Variants in TRAPPC12 observed in about 807,000 individuals in gnomAD.
The protein encoded by TRAPPC12 is trafficking protein particle complex subunit 12, also known as TPR repeat protein 15.
In TRAPPC12, 61 loss-of-function variants were observed where a neutral mutation model predicts 69.2. The observed-to-expected ratio is 0.88, with a 90% confidence interval of 0.72 to 1.09. The LOEUF (loss-of-function observed/expected upper bound fraction) is 1.09, where lower values mean the gene tolerates loss of function less well. Among genes scored for constraint, TRAPPC12 ranks in the 50% least tolerant of loss-of-function variants. The probability of loss-of-function intolerance (pLI) is 0.00; values close to 1 mark genes in which losing one functional copy is unlikely to be tolerated. For missense variants in TRAPPC12, 1,101 were observed against 1,016.4 expected, an observed-to-expected ratio of 1.08 and a Z score of -1.13; for synonymous variants, 469 against 438.9, an observed-to-expected ratio of 1.07 and a Z score of -0.86.
intron 7 of TRAPPC12, chr2:3,458,478 GGGGAACTGCTGGCTGGTGTGA>G: frequency 1.0e-6 from 1 of 985,442 alleles, no homozygotes; most frequent in Non-Finnish European, 1.2e-6. Flanking sequence ...TGGGGTTTCT[GGGGAACTGCTGGCTGGTGTGA>G]GCTGAACGTG....
At position 3,457,604 on chromosome 2, in the gene TRAPPC12, A is replaced by T. The variant is rs889894388; in HGVS notation, c.1531-17A>T. ...TGGTTCCCATGATTTTGTCCTTCTC[A>T]TTTGGAATGATTGCAGATCCTGGCC... On this transcript the variant is annotated splice_polypyrimidine_tract_variant and intron_variant, in intron 6 of 11. Coordinates refer to ENST00000324266, the MANE Select transcript of TRAPPC12 (RefSeq NM_016030.6). The T allele has an allele frequency of 6.2e-7, 1 of 1,611,858 alleles. No homozygotes were observed. The highest frequency in any genetic ancestry group is 8.5e-7 in the Non-Finnish European group (1 of 1,179,184).
chr2:3,397,325 C>T (rs1184664697), intron 2 of TRAPPC12, among the ~76,000 whole-genome samples: 5 of 152,250 alleles, frequency 3.3e-5, no homozygotes, highest in African/African-American at 1.2e-4. Flanking sequence ...AATTCCCCTT[C>T]TGTTCAGTGA....
At chr2:3,406,413 C>T (rs1661734504) in intron 3 of TRAPPC12, among the ~76,000 whole-genome samples, 1 of 152,178 alleles carries the variant, frequency 6.6e-6, no homozygotes, top group Admixed American at 6.5e-5. Flanking sequence ...AAAAGGTAAA[C>T]AAGCATCCCT....
At chr2:3,428,291 A>G (rs974000126) in intron 5 of TRAPPC12, among the ~76,000 whole-genome samples, 4 of 152,276 alleles carry the variant, frequency 2.6e-5, no homozygotes, top group African/African-American at 9.6e-5. Context: ...CATACATTTT[A>G]GCAAAAGCGT....
chr2:3,460,942 A>T (rs1222178168), intron 8 of TRAPPC12: 3 of 152,992 alleles, frequency 2.0e-5, no homozygotes, highest in African/African-American at 4.8e-5. Flanking sequence ...ACTGGGCATC[A>T]GGGTGCCCTG....
intron 3 of TRAPPC12, among the ~76,000 whole-genome samples, chr2:3,403,393 C>T (rs549545638): frequency 1.9e-4 from 29 of 152,180 alleles, no homozygotes; most frequent in African/African-American, 3.1e-4. Context: ...CCACCACACC[C>T]GGCTAATTTT....
intron 1 of TRAPPC12, among the ~76,000 whole-genome samples, chr2:3,383,995 A>C (rs979980046): frequency 7.0e-6 from 1 of 143,670 alleles, no homozygotes; most frequent in Non-Finnish European, 1.5e-5. Flanking sequence ...TCCTGGGTTC[A>C]AGTGATTTTC....
rs117747228 is a variant in TRAPPC12 at position 3,387,768 on chromosome 2, G to A, written c.145G>A (p.Glu49Lys). 7.3e-4 allele frequency: 1,181 copies of A among 1,612,926 alleles called. 3 individuals carry two copies. In the East Asian group the frequency reaches 0.016, roughly 22 times the overall value. Residue 49 changes from glutamate (E) to lysine (K), a missense_variant, in exon 2 of 12, where the codon GAG (glutamate) becomes AAG (lysine). By Grantham distance (56) the Glu-to-Lys change is moderately conservative. Transcript: ENST00000324266. ...AGATGAGTTTGGATCCGAAGAGAAC[G>A]AGACCGCATCGGAAGGCTCGAGTCC... ...GGDEFGSEENETASEGSSPLA... is the reference protein window; with the variant it reads ...GGDEFGSEENKTASEGSSPLA...
chr2:3,409,750 T>TTA (rs1553314357), intron 3 of TRAPPC12, among the ~76,000 whole-genome samples: 1 of 54,874 alleles, frequency 1.8e-5, no homozygotes, highest in Non-Finnish European at 3.6e-5. Flanking sequence ...ACTTTGTCTT[T>TTA]AAAAAAAAAA....
Position 3,477,806 on chromosome 2 carries a change from T to G in TRAPPC12, c.1877+11T>G. The G allele has an allele frequency of 6.5e-7, 1 of 1,538,206 alleles. No homozygotes were observed. Among genetic ancestry groups the G allele is most frequent in the Non-Finnish European group, 8.9e-7 (1 of 1,127,632 alleles). ...GGTTTTGATGAACAGGTAAATATTT[T>G]AAAACTAAATATATGTTTTCTCAAA... On this transcript the variant is annotated intron_variant, in intron 10 of 11. Transcript: ENST00000324266.
At chr2:3,471,259 C>G (rs981700520) in intron 9 of TRAPPC12, among the ~76,000 whole-genome samples, 2 of 152,156 alleles carry the variant, frequency 1.3e-5, no homozygotes. Context: ...GTCACCTGTT[C>G]GGTTTGTGTG....
At chr2:3,409,807 A>G (rs910611092) in intron 3 of TRAPPC12, among the ~76,000 whole-genome samples, 27 of 147,424 alleles carry the variant, frequency 1.8e-4, no homozygotes, top group African/African-American at 6.0e-4. Context: ...TCCTGTTTCT[A>G]TTCCCTCTAC....
At chr2:3,462,742 T>C in intron 8 of TRAPPC12, 1 of 358,588 alleles carries the variant, frequency 2.8e-6, no homozygotes, top group Non-Finnish European at 5.6e-6. Flanking sequence ...ACTGTAGCCT[T>C]AGGGCACCTG....
intron 6 of TRAPPC12, chr2:3,449,547 T>C (rs1664741068): frequency 6.6e-6 from 1 of 152,288 alleles, no homozygotes; most frequent in African/African-American, 2.4e-5. Flanking sequence ...TTTGCTTCTC[T>C]ATTGATAATT....
At chr2:3,411,032 A>G (rs572791055) in intron 3 of TRAPPC12, among the ~76,000 whole-genome samples, 1 of 152,336 alleles carries the variant, frequency 6.6e-6, no homozygotes, top group African/African-American at 2.4e-5. Flanking sequence ...CCATCTCAAA[A>G]ACAAATAAAA....
At chr2:3,420,852 C>G (rs1662741417) in intron 3 of TRAPPC12, among the ~76,000 whole-genome samples, 1 of 152,188 alleles carries the variant, frequency 6.6e-6, no homozygotes, top group African/African-American at 2.4e-5. Flanking sequence ...GTGGCAGGCT[C>G]TACCACACGT....
intron 5 of TRAPPC12, among the ~76,000 whole-genome samples, chr2:3,435,044 G>A (rs559001553): frequency 2.0e-5 from 3 of 152,170 alleles, no homozygotes; most frequent in African/African-American, 7.2e-5. Flanking sequence ...ATGGAGTCTC[G>A]CTCCGTCGCC....
At chr2:3,459,313 C>T (rs947321001) in intron 7 of TRAPPC12, among the ~76,000 whole-genome samples, 3 of 152,236 alleles carry the variant, frequency 2.0e-5, no homozygotes, top group Non-Finnish European at 4.4e-5. Flanking sequence ...GCGCAAGGAG[C>T]GCTGGACAAG....
intron 5 of TRAPPC12, 79 bp downstream of exon 5, chr2:3,424,742 G>A: frequency 7.1e-7 from 1 of 1,408,618 alleles, no homozygotes; most frequent in Admixed American, 2.6e-5. Context: ...TAATTTCGTA[G>A]CCTCAGTTTT....
Sources: gnomAD v4.1 joint callset for allele counts (sites outside exome capture counted in the v4.1 genomes callset) on GRCh38, gnomAD v4.1.1 for gene constraint, MANE v1.5 for transcripts, NCBI Gene and HGNC (gene_info 2026-07-23, HGNC 2026-07-21) for gene names.